The following ANKS1B variants were observed in gnomAD, a reference collection of about 807,000 sequenced individuals.
The protein encoded by ANKS1B is ankyrin repeat and sterile alpha motif domain-containing protein 1B.
In ANKS1B, 36 loss-of-function variants were observed where a neutral mutation model predicts 148.3. The ratio of observed to expected loss-of-function variants is 0.24; its 90% CI spans 0.19 to 0.32. The LOEUF (loss-of-function observed/expected upper bound fraction) is 0.32, where lower values mean the gene tolerates loss of function less well. ANKS1B is among the 10% of genes least tolerant of loss of function. The probability of loss-of-function intolerance (pLI) is 1.00; values close to 1 mark genes in which losing one functional copy is unlikely to be tolerated. For synonymous variants in ANKS1B, 542 were observed against 560.8 expected (o/e 0.97, Z 0.47); for missense variants, 1,157 against 1,542.6 (o/e 0.75, Z 4.19).
At chr12:99,383,041 T>C (rs996526185) in intron 12 of ANKS1B, among the ~76,000 whole-genome samples, 2 of 151,396 alleles carry the variant, frequency 1.3e-5, no homozygotes, top group African/African-American at 2.4e-5. Flanking sequence ...CCCTCTGTCC[T>C]TTCCCAGAGA....
intron 17 of ANKS1B, among the ~76,000 whole-genome samples, chr12:98,858,121 C>G (rs1481799057): frequency 1.3e-5 from 2 of 152,156 alleles, no homozygotes; most frequent in African/African-American, 4.8e-5. Context: ...TCCTCCTCCG[C>G]CCCCATCCCC....
intron 1 of ANKS1B, among the ~76,000 whole-genome samples, chr12:99,923,598 A>C (rs1475677462): frequency 6.6e-6 from 1 of 152,206 alleles, no homozygotes; most frequent in African/African-American, 2.4e-5. Context: ...TGACAGAAAA[A>C]AAGGAAAGAA....
chr12:98,828,290 G>C (rs947598221), intron 19 of ANKS1B, among the ~76,000 whole-genome samples: 1 of 152,100 alleles, frequency 6.6e-6, no homozygotes. Flanking sequence ...TTTACCAGAG[G>C]CTTTAAAAAT....
intron 1 of ANKS1B, among the ~76,000 whole-genome samples, chr12:99,947,592 T>C (rs1224614347): frequency 6.6e-6 from 1 of 152,192 alleles, no homozygotes; most frequent in East Asian, 1.9e-4. Context: ...ATCAGTGCTA[T>C]ATCAGTTTTC....
At chr12:99,047,378 T>C (rs1376804150) in intron 17 of ANKS1B, among the ~76,000 whole-genome samples, 3 of 152,146 alleles carry the variant, frequency 2.0e-5, no homozygotes. Flanking sequence ...CCAGCCTGGA[T>C]GAGAGAATAA....
chr12:99,508,709 A>G (rs1378145161), intron 9 of ANKS1B, among the ~76,000 whole-genome samples: 2 of 151,722 alleles, frequency 1.3e-5, no homozygotes, highest in African/African-American at 2.4e-5. Context: ...TTTTGTTCAT[A>G]TATTTTGTTT....
chr12:99,577,567 T>C (rs374047563), intron 9 of ANKS1B, among the ~76,000 whole-genome samples: 11 of 151,494 alleles, frequency 7.3e-5, no homozygotes, highest in East Asian at 5.8e-4. Context: ...CCCACATAAA[T>C]ACAAAAAAAC....
chr12:99,717,301 G>T (rs957756396), intron 8 of ANKS1B, among the ~76,000 whole-genome samples: 4 of 152,142 alleles, frequency 2.6e-5, no homozygotes, highest in African/African-American at 9.7e-5. Context: ...TACAATAATA[G>T]GGTAGAGGCA....
intron 10 of ANKS1B, among the ~76,000 whole-genome samples, chr12:99,498,782 CAA>C (rs1283603392): frequency 2.0e-5 from 3 of 152,192 alleles, no homozygotes. Flanking sequence ...TCGTGTGCAT[CAA>C]GAAATGTCTC....
chr12:98,763,762 T>TA (rs2098443971), intron 25 of ANKS1B, among the ~76,000 whole-genome samples: 1 of 152,230 alleles, frequency 6.6e-6, no homozygotes, highest in Non-Finnish European at 1.5e-5. Flanking sequence ...TGCAGTCTCA[T>TA]AAGTTCCTTT....
At chr12:99,811,650 G>A (rs2068385800) in intron 3 of ANKS1B, among the ~76,000 whole-genome samples, 1 of 151,088 alleles carries the variant, frequency 6.6e-6, no homozygotes, top group Admixed American at 6.6e-5. Context: ...GTTTGTGTTT[G>A]TATATATATA....
intron 25 of ANKS1B, among the ~76,000 whole-genome samples, chr12:98,763,691 T>C (rs567861631): frequency 9.9e-5 from 15 of 152,242 alleles, no homozygotes; most frequent in Non-Finnish European, 1.8e-4. Context: ...TATATGAATA[T>C]TTAAATATGA....
intron 1 of ANKS1B, among the ~76,000 whole-genome samples, chr12:99,915,224 T>TAAA (rs1158371184): frequency 5.7e-5 from 2 of 34,944 alleles, no homozygotes; most frequent in African/African-American, 1.4e-4. Flanking sequence ...AAAAGCTGTC[T>TAAA]CAAAAAAAAA....
chr12:99,018,509 A>T (rs2153431291), intron 17 of ANKS1B, among the ~76,000 whole-genome samples: 1 of 152,314 alleles, frequency 6.6e-6, no homozygotes, highest in South Asian at 2.1e-4. Context: ...TACAATTAGG[A>T]CGTCTTAGGT....
At chr12:99,276,728 T>C (rs2077723916) in intron 12 of ANKS1B, among the ~76,000 whole-genome samples, 1 of 152,236 alleles carries the variant, frequency 6.6e-6, no homozygotes, top group South Asian at 2.1e-4. Context: ...AACCTTCTTC[T>C]GACGATGGAA....
intron 12 of ANKS1B, among the ~76,000 whole-genome samples, chr12:99,369,085 G>A (rs1401374066): frequency 6.6e-6 from 1 of 152,020 alleles, no homozygotes; most frequent in Non-Finnish European, 1.5e-5. Flanking sequence ...AATTGCAAAG[G>A]GCAAACAGAC....
intron 10 of ANKS1B, among the ~76,000 whole-genome samples, chr12:99,478,541 G>A (rs896351869): frequency 2.0e-5 from 3 of 152,006 alleles, no homozygotes; most frequent in African/African-American, 7.2e-5. Context: ...CCAACTCATC[G>A]GGTATGCAAC....
At chr12:99,757,442 C>T (rs942075771) in intron 8 of ANKS1B, among the ~76,000 whole-genome samples, 2 of 151,698 alleles carry the variant, frequency 1.3e-5, no homozygotes, top group African/African-American at 4.8e-5. Flanking sequence ...ACATAACAGA[C>T]GCTGGCAAGG....
Position 99,499,562 on chromosome 12 carries a change from C to G in ANKS1B, c.1438+4914G>C, listed in dbSNP as rs147620157. Among the ~76,000 whole-genome samples, 117 of 152,266 alleles carry G rather than the reference C, an allele frequency of 7.7e-4. 1 individual carries two copies. Among genetic ancestry groups the G allele is most frequent in the African/African-American group, 2.8e-3 (115 of 41,564 alleles). ...CACTTAAATGTAGGCAGGCTTTTGA[C>G]TACAATGGAAGTGATGTTGCCTTCT... On this transcript the variant is annotated intron_variant, in intron 10 of 26. Transcript: ENST00000683438.
Sources: gnomAD v4.1 joint callset for allele counts (sites outside exome capture counted in the v4.1 genomes callset) on GRCh38, gnomAD v4.1.1 for gene constraint, MANE v1.5 for transcripts, NCBI Gene and HGNC (gene_info 2026-07-23, HGNC 2026-07-21) for gene names.